The following TECPR2 variants were observed in gnomAD, a reference collection of about 807,000 sequenced individuals.
TECPR2 encodes tectonin beta-propeller repeat-containing protein 2.
In TECPR2, 65 loss-of-function variants were observed where a neutral mutation model predicts 138.1. That is an observed-to-expected ratio of 0.47 (90% CI 0.39 to 0.58). The LOEUF is 0.58. Among genes scored for constraint, TECPR2 ranks in the 20% least tolerant of loss-of-function variants. TECPR2 has a pLI of 0.00. For synonymous variants in TECPR2, 746 were observed against 749.8 expected (o/e 0.99, Z 0.08); for missense variants, 1,553 against 1,824.5 (o/e 0.85, Z 2.71).
rs1480383120 is a variant in TECPR2 at position 102,419,687 on chromosome 14, G to C, written c.638+4894G>C. 6.6e-6 allele frequency among the ~76,000 whole-genome samples: 1 copy of C among 152,192 alleles called. No homozygotes were observed. Among genetic ancestry groups the C allele is most frequent in the African/African-American group, 2.4e-5 (1 of 41,430 alleles). ...CCCGTCGAGTCCGTGAACCTCTTCA[G>C]ACCGGATGATGTGTGTTACATCCAG... On this transcript the variant is annotated intron_variant, in intron 5 of 19. Coordinates refer to ENST00000359520, the MANE Select transcript of TECPR2 (RefSeq NM_014844.5). The surrounding 1 kb of genome is among the most constrained non-coding windows in gnomAD (Gnocchi z 4.8).
At chr14:102,389,760 G>C (rs1888114418) in intron 2 of TECPR2, among the ~76,000 whole-genome samples, 1 of 152,260 alleles carries the variant, frequency 6.6e-6, no homozygotes, top group Non-Finnish European at 1.5e-5. Flanking sequence ...CCGGGAATTT[G>C]CCTTGTCTGT....
Position 102,376,793 on chromosome 14 carries a change from G to A in TECPR2, c.72G>A (p.Pro24=), listed in dbSNP as rs201004031. 2.9e-5 allele frequency: 47 copies of A among 1,614,154 alleles called. No homozygotes were observed. In the East Asian group the frequency reaches 4.2e-4, roughly 15 times the overall value. Residue 24 remains proline, a synonymous_variant, in exon 2 of 20, where the codon CCG becomes CCA. Coordinates refer to ENST00000359520, the MANE Select transcript of TECPR2 (RefSeq NM_014844.5). The stretch of plus-strand genomic sequence containing the variant: ...TGTACTATCTCCTCAATGCCATTCC[G>A]ACAAAGATCCAGAAGGGTTTCCGCT... The part of the protein sequence containing the change: ...CPLYYLLNAI[P]TKIQKGFRSI...
intron 2 of TECPR2, among the ~76,000 whole-genome samples, chr14:102,377,271 T>G (rs1260437439): frequency 6.6e-6 from 1 of 152,190 alleles, no homozygotes; most frequent in Admixed American, 6.5e-5. Flanking sequence ...TCCTTTTGCT[T>G]CAACTTCCTG....
intron 14 of TECPR2, 99 bp downstream of exon 14, chr14:102,449,968 A>T (rs1417439983): frequency 1.3e-6 from 2 of 1,530,642 alleles, no homozygotes; most frequent in East Asian, 4.5e-5. Context: ...TTGAAAAGAT[A>T]ATTTAGTGCC....
At position 102,443,479 on chromosome 14, in the gene TECPR2, C is replaced by A. The variant is rs981560035; in HGVS notation, c.2753-168C>A. Among the ~76,000 whole-genome samples the A allele has an allele frequency of 6.6e-6, 1 of 151,832 alleles. No individual in the cohort carries two copies. The highest frequency in any genetic ancestry group is 2.4e-5 in the African/African-American group (1 of 41,336). ...CAGCCTGGGCAACGTAGAAAGGCCC[C>A]GTCTATATTTTTAATTAATTAATTA... On this transcript the variant is annotated intron_variant, in intron 11 of 19. Transcript: ENST00000359520. This position sits in a 1 kb window ranked among gnomAD's most constrained non-coding sequence, Gnocchi z 4.9.
At chr14:102,395,773 G>A (rs1888299085) in intron 2 of TECPR2, among the ~76,000 whole-genome samples, 1 of 152,172 alleles carries the variant, frequency 6.6e-6, no homozygotes, top group South Asian at 2.1e-4. Flanking sequence ...ACTCCGGCCT[G>A]GGCGACAGAG....
intron 1 of TECPR2, among the ~76,000 whole-genome samples, chr14:102,368,752 G>A (rs1315750520): frequency 6.6e-6 from 1 of 152,040 alleles, no homozygotes; most frequent in Non-Finnish European, 1.5e-5. Flanking sequence ...TGGCTTCTGG[G>A]GGCAGGTGTG....
In TECPR2 at chr14:102,455,071, A is replaced by C. The variant is rs1431552565; in HGVS notation, c.3640+2444A>C. Among the ~76,000 whole-genome samples, 5 of 152,218 alleles carry C rather than the reference A, an allele frequency of 3.3e-5. No individual in the cohort carries two copies. In the East Asian group the frequency reaches 5.8e-4, roughly 18 times the overall value. On this transcript the variant is annotated intron_variant, in intron 16 of 19. Transcript: ENST00000359520. Reference sequence around the variant, plus strand: ...ACTGGGAGGTTTCTCTCGGGGAGAAACCTGGCTTGAGTGGGATTGAGTCTC... The same window carrying C: ...ACTGGGAGGTTTCTCTCGGGGAGAACCCTGGCTTGAGTGGGATTGAGTCTC...
At chr14:102,494,467 C>T (rs544256909) in intron 17 of TECPR2, among the ~76,000 whole-genome samples, 64 of 151,082 alleles carry the variant, frequency 4.2e-4, no homozygotes, top group Admixed American at 7.3e-4. Context: ...CCCTTGAAAC[C>T]GGAAGGCAGA....
At chr14:102,456,033 T>G (rs1335143947) in intron 16 of TECPR2, among the ~76,000 whole-genome samples, 1 of 152,060 alleles carries the variant, frequency 6.6e-6, no homozygotes, top group Admixed American at 6.5e-5. Flanking sequence ...GGATTACAAG[T>G]GTGAGCCACC....
chr14:102,473,307 G>A (rs1339906852), intron 17 of TECPR2, among the ~76,000 whole-genome samples: 1 of 152,196 alleles, frequency 6.6e-6, no homozygotes, highest in Non-Finnish European at 1.5e-5. Context: ...TCTTTAAATC[G>A]CAGAGGGTCC....
chr14:102,484,939 G>T (rs565527107), intron 17 of TECPR2, among the ~76,000 whole-genome samples: 1 of 152,314 alleles, frequency 6.6e-6, no homozygotes, highest in Non-Finnish European at 1.5e-5. Flanking sequence ...GATTACAGGC[G>T]CGAGCCACTG....
intron 16 of TECPR2, among the ~76,000 whole-genome samples, chr14:102,456,504 A>G (rs891296266): frequency 6.6e-6 from 1 of 151,350 alleles, no homozygotes; most frequent in African/African-American, 2.4e-5. Context: ...ACACGCACCT[A>G]TCCCCTCAAC....
At chr14:102,457,062 G>A (rs1288352116) in intron 16 of TECPR2, among the ~76,000 whole-genome samples, 1 of 151,952 alleles carries the variant, frequency 6.6e-6, no homozygotes. Flanking sequence ...TGTCCTGCAG[G>A]AAAAGCAGGT....
intron 2 of TECPR2, among the ~76,000 whole-genome samples, chr14:102,388,406 C>A (rs867543792): frequency 5.9e-5 from 9 of 152,208 alleles, no homozygotes; most frequent in South Asian, 4.1e-4. Flanking sequence ...TTTAAAAAAA[C>A]AAGCTGGCCA....
At chr14:102,479,041 A>G (rs1890829232) in intron 17 of TECPR2, among the ~76,000 whole-genome samples, 1 of 152,192 alleles carries the variant, frequency 6.6e-6, no homozygotes, top group Non-Finnish European at 1.5e-5. Context: ...AAAGGAAAAA[A>G]AAAAGGAAAT....
intron 17 of TECPR2, among the ~76,000 whole-genome samples, chr14:102,482,838 C>CTTTTTTTTTT (rs758301929): frequency 2.1e-5 from 2 of 96,576 alleles, no homozygotes; most frequent in Non-Finnish European, 3.9e-5. Flanking sequence ...AGAAGCCTTT[C>CTTTTTTTTTT]TTTTTTTTTT....
chr14:102,459,471 G>A (rs141494809), intron 16 of TECPR2, among the ~76,000 whole-genome samples: 2 of 152,294 alleles, frequency 1.3e-5, no homozygotes, highest in African/African-American at 2.4e-5. Context: ...GCATGAGGCA[G>A]AAGATGTTAG....
chr14:102,471,963 A>C (rs1181296160), intron 17 of TECPR2, among the ~76,000 whole-genome samples: 1 of 152,202 alleles, frequency 6.6e-6, no homozygotes, highest in Non-Finnish European at 1.5e-5. Context: ...ATTATCACGT[A>C]CATGTGGAAG....
Sources: gnomAD v4.1 joint callset for allele counts (sites outside exome capture counted in the v4.1 genomes callset) on GRCh38, gnomAD v4.1.1 for gene constraint, Gnocchi (gnomAD v3.1) non-coding constraint, MANE v1.5 for transcripts, NCBI Gene and HGNC (gene_info 2026-07-23, HGNC 2026-07-21) for gene names.